The following GOLGA1 variants were observed in gnomAD, a reference collection of about 807,000 sequenced individuals.
GOLGA1 encodes the protein golgin A1.
In GOLGA1, 63 loss-of-function variants were observed where a neutral mutation model predicts 119.7. The observed-to-expected ratio is 0.53, with a 90% confidence interval of 0.43 to 0.65. The LOEUF is 0.65. Ranked by LOEUF, GOLGA1 falls within the 30% of genes least tolerant of loss-of-function variation. The pLI is 0.00. For synonymous variants in GOLGA1, 318 were observed against 333.4 expected, an observed-to-expected ratio of 0.95 and a Z score of 0.50; for missense variants, 798 against 912.8, an observed-to-expected ratio of 0.87 and a Z score of 1.62.
chr9:124,904,305 AT>A (rs1564331821), intron 12 of GOLGA1, among the ~76,000 whole-genome samples: 2 of 152,162 alleles, frequency 1.3e-5, no homozygotes, highest in African/African-American at 4.8e-5. Context: ...TTACTGTTTA[AT>A]AAGTATAGAG....
intron 3 of GOLGA1, among the ~76,000 whole-genome samples, chr9:124,931,936 A>C (rs1830778478): frequency 2.0e-5 from 3 of 152,196 alleles, no homozygotes. Flanking sequence ...TGAGGCATAC[A>C]TTTTTCCCCA....
At position 124,888,432 on chromosome 9, in the gene GOLGA1, A is replaced by G; in HGVS notation, c.1762-36T>C. 6.2e-7 allele frequency: 1 copy of G among 1,608,080 alleles called. No homozygotes were observed. Among genetic ancestry groups the G allele is most frequent in the Non-Finnish European group, 8.5e-7 (1 of 1,174,996 alleles). ...GCAGCAGCAAATTGAGAGCCAGGAC[A>G]GGTCAGGTGAAGCTGAGCCACAGGT... On this transcript the variant is annotated intron_variant, in intron 18 of 22. Transcript: ENST00000373555. The surrounding 1 kb of genome is among the most constrained non-coding windows in gnomAD (Gnocchi z 4.4).
At position 124,921,735 on chromosome 9, in the gene GOLGA1, A is replaced by G; in HGVS notation, c.719T>C (p.Leu240Pro). 1 of 1,613,280 alleles carries G rather than the reference A, an allele frequency of 6.2e-7. No individual in the cohort carries two copies. Among genetic ancestry groups the G allele is most frequent in the Non-Finnish European group, 8.5e-7 (1 of 1,179,600 alleles). ...ACCAAGCAAGAACCTCTGCTCTTCC[A>G]GCGTTGAGTAGTGTCTCTGCAATTC... is the stretch of plus-strand genomic sequence containing the variant. ...LEELQRHYST[L>P]EEQRDHVIAS... Residue 240 changes from leucine to proline, a missense_variant, in exon 9 of 23, where the codon CTG becomes CCG. Physicochemically the swap from Leu to Pro is moderately conservative, Grantham distance 98. Coordinates refer to ENST00000373555, the MANE Select transcript of GOLGA1 (RefSeq NM_002077.4).
At chr9:124,921,916 A>G (rs1830577932) in intron 8 of GOLGA1, 24 bp from the exon 9 acceptor site, 1 of 1,596,988 alleles carries the variant, frequency 6.3e-7, no homozygotes, top group South Asian at 1.1e-5. Context: ...ACAAAGTTTC[A>G]TTGGGCTATG....
chr9:124,880,457 C>G lies in GOLGA1; in HGVS notation c.*73G>C. 2.4e-6 allele frequency: 2 copies of G among 842,298 alleles called. No homozygotes were observed. Among genetic ancestry groups the G allele is most frequent in the Non-Finnish European group, 4.2e-6 (2 of 479,612 alleles). The allele number at this position is 842,298 out of a possible 1,614,324, so 52.2% of individuals were successfully genotyped here. On this transcript the variant is annotated 3_prime_UTR_variant, in exon 23 of 23. Coordinates refer to ENST00000373555, the MANE Select transcript of GOLGA1 (RefSeq NM_002077.4). ...CAGTTACAGTGATTAAAAACCCACC[C>G]AGACTGGTGTGTCAGTGTTCTTTTC... is the stretch of plus-strand genomic sequence containing the variant.
At chr9:124,922,550 C>CAAAAAAAAAAA (rs537417274) in intron 8 of GOLGA1, among the ~76,000 whole-genome samples, 1 of 49,378 alleles carries the variant, frequency 2.0e-5, no homozygotes. Flanking sequence ...GACTCTATCT[C>CAAAAAAAAAAA]AAAAAAAAAA....
At chr9:124,903,651 C>CAAAAAAAAAAAAA (rs11435294) in intron 12 of GOLGA1, among the ~76,000 whole-genome samples, 4 of 91,280 alleles carry the variant, frequency 4.4e-5, no homozygotes, top group African/African-American at 4.4e-5. Context: ...AGAAAAAGAC[C>CAAAAAAAAAAAAA]AAAAAAAAAA....
chr9:124,887,551 C>T (rs1829751750), intron 19 of GOLGA1: 1 of 152,028 alleles, frequency 6.6e-6, no homozygotes, highest in South Asian at 2.1e-4. Flanking sequence ...TGCAAAGCTT[C>T]TGTATTTTAT....
chr9:124,886,664 TAG>T (rs1829727250), intron 19 of GOLGA1, among the ~76,000 whole-genome samples: 1 of 151,722 alleles, frequency 6.6e-6, no homozygotes, highest in South Asian at 2.1e-4. Flanking sequence ...CACCTCTCAG[TAG>T]ATGGGACGAT....
In GOLGA1 at chr9:124,908,438, C is replaced by T; in HGVS notation, c.1004G>A (p.Arg335Lys). 1 of 1,610,156 alleles carries T rather than the reference C, an allele frequency of 6.2e-7. No individual in the cohort carries two copies. The highest frequency in any genetic ancestry group is 8.5e-7 in the Non-Finnish European group (1 of 1,176,350). ...GCTTCTGGCTGCCAAGAGCTGTTGT[C>T]TGGTATCCTCCAAATTCTGCTCAGC... ...TLAEQNLEDT[R>K]QQLLAARSSQ... The change falls in exon 12 of 23, where the codon AGA becomes AAA. Residue 335 changes from arginine (R) to lysine (K), a missense_variant. By Grantham distance (26) the Arg-to-Lys change is conservative (BLOSUM62 2). Coordinates refer to ENST00000373555, the MANE Select transcript of GOLGA1 (RefSeq NM_002077.4).
chr9:124,880,295 A>G lies in GOLGA1; in HGVS notation c.*235T>C. 1 of 395,130 alleles carries G rather than the reference A, an allele frequency of 2.5e-6. No homozygotes were observed. The highest frequency in any genetic ancestry group is 4.8e-6 in the Non-Finnish European group (1 of 207,586). The allele number at this position is 395,130 out of a possible 1,614,324, so 24.5% of individuals were successfully genotyped here. On this transcript the variant is annotated 3_prime_UTR_variant, in exon 23 of 23. Transcript: ENST00000373555. The stretch of plus-strand genomic sequence containing the variant: ...AGCTGGGATATTAGCAGCACTGTGG[A>G]AATCTGGGTAGTGCCAGGACCCTCC...
Position 124,912,033 on chromosome 9 carries a change from G to A in GOLGA1, c.844-7C>T, listed in dbSNP as rs773819234. 1.2e-6 allele frequency: 2 copies of A among 1,612,088 alleles called. No individual in the cohort carries two copies. Among genetic ancestry groups the A allele is most frequent in the East Asian group, 4.5e-5 (2 of 44,872 alleles). ...CTTGAGTTTCAGCAGTGACCTGCAGGTGAAAGCAGAGATCACTCTATACTA... is the reference window on the plus strand; with the variant it reads ...CTTGAGTTTCAGCAGTGACCTGCAGATGAAAGCAGAGATCACTCTATACTA... On this transcript the variant is annotated splice_polypyrimidine_tract_variant and splice_region_variant and intron_variant, in intron 10 of 22. Transcript: ENST00000373555.
chr9:124,936,805 T>C (rs1330024855), intron 3 of GOLGA1, among the ~76,000 whole-genome samples: 1 of 152,226 alleles, frequency 6.6e-6, no homozygotes, highest in Non-Finnish European at 1.5e-5. Flanking sequence ...GTAACATGGA[T>C]GCATTTTATA....
intron 11 of GOLGA1, among the ~76,000 whole-genome samples, chr9:124,908,855 T>C (rs565853286): frequency 6.6e-6 from 1 of 152,352 alleles, no homozygotes; most frequent in Non-Finnish European, 1.5e-5. Context: ...GTGAACAGCC[T>C]GCTACGTTGA....
chr9:124,910,794 C>T (rs1018624629), intron 11 of GOLGA1, among the ~76,000 whole-genome samples: 1 of 152,094 alleles, frequency 6.6e-6, no homozygotes, highest in Admixed American at 6.6e-5. Flanking sequence ...GTGAACTGTG[C>T]AAGTGAGGGA....
chr9:124,919,310 C>G (rs1458887982), intron 10 of GOLGA1, among the ~76,000 whole-genome samples: 1 of 152,068 alleles, frequency 6.6e-6, no homozygotes, highest in Non-Finnish European at 1.5e-5. Context: ...TTACTTGAGA[C>G]TTCTTGTTTG....
chr9:124,919,030 CT>C (rs1221617866), intron 10 of GOLGA1, among the ~76,000 whole-genome samples: 1 of 152,068 alleles, frequency 6.6e-6, no homozygotes, highest in Non-Finnish European at 1.5e-5. Flanking sequence ...GGGTGGATTG[CT>C]TGAGCCCAGG....
chr9:124,914,235 C>T (rs867445309), intron 10 of GOLGA1, among the ~76,000 whole-genome samples: 18 of 152,308 alleles, frequency 1.2e-4, no homozygotes, highest in South Asian at 4.1e-4. Flanking sequence ...TGGTGGCTCA[C>T]GCCTGTAATC....
Position 124,923,077 on chromosome 9 carries a change from TA to T in GOLGA1, c.561+17del. On this transcript the variant is annotated intron_variant, in intron 8 of 22. Transcript: ENST00000373555. ...AATCATCTATTCAGTATTTAGCTAC[TA>T]AAACAAAAATGCATACCATGTGCTT... 1.3e-6 allele frequency: 2 copies of T among 1,590,174 alleles called. No homozygotes were observed. The highest frequency in any genetic ancestry group is 1.7e-6 in the Non-Finnish European group (2 of 1,163,144).
Sources: allele counts gnomAD v4.1 joint callset (sites outside exome capture counted in the v4.1 genomes callset), GRCh38; gene constraint gnomAD v4.1.1; non-coding constraint Gnocchi (gnomAD v3.1); transcripts MANE v1.5; gene names NCBI Gene and HGNC (gene_info 2026-07-23, HGNC 2026-07-21).